The following SPN variants were observed in gnomAD, a reference collection of about 807,000 sequenced individuals.
The protein encoded by SPN is sialophorin, also known as leukosialin.
In SPN, 6 loss-of-function variants were observed where a neutral mutation model predicts 8.4. That is an observed-to-expected ratio of 0.72 (90% CI 0.39 to 1.42). SPN has a LOEUF of 1.42. Among genes scored for constraint, SPN ranks in the 40% most tolerant of loss-of-function variants. The pLI, the probability that SPN is intolerant of heterozygous loss-of-function variation, is 0.02. For missense variants in SPN, 517 were observed against 530.6 expected (o/e 0.97, Z 0.25); for synonymous variants, 201 against 222.6 (o/e 0.90, Z 0.86).
rs1366136466 is a variant in SPN, at chr16:29,670,449, A to T, written c.*5518A>T. The T allele has an allele frequency of 6.0e-6, 1 of 166,982 alleles. No individual in the cohort carries two copies. The highest frequency in any genetic ancestry group is 1.8e-4 in the East Asian group (1 of 5,600). 10.3% of individuals were successfully genotyped at this position (166,982 alleles called of 1,614,324 possible). A position where few individuals can be genotyped will look rare whatever the true frequency, so the allele number is the denominator to read the frequency against. On this transcript the variant is annotated 3_prime_UTR_variant, in exon 2 of 2. Transcript: ENST00000652691. ...GGTTGCAGTGAGCCGAGATCGTGTC[A>T]TTGCACTCTAGTCTGGGCGACAGAG... is the stretch of plus-strand genomic sequence containing the variant.
chr16:29,664,722 G>C lies in SPN; in HGVS notation c.994G>C (p.Asp332His). The C allele has an allele frequency of 6.1e-6, 9 of 1,479,472 alleles. No individual in the cohort carries two copies. Among genetic ancestry groups the C allele is most frequent in the Non-Finnish European group, 8.1e-6 (9 of 1,116,084 alleles). 91.6% of individuals were successfully genotyped at this position (1,479,472 alleles called of 1,614,324 possible). The change falls in exon 2 of 2, where the codon GAT (aspartate) becomes CAT (histidine). Residue 332 changes from aspartate to histidine, a missense_variant. Transcript: ENST00000652691. This position sits in a 1 kb window ranked among gnomAD's most constrained non-coding sequence, Gnocchi z 6.4. ...GGGCGACAAGGGCTCTGGGTTCCCC[G>C]ATGGGGAGGGGTCTAGCCGTCGGCC... The part of the protein sequence containing the change: ...SGGDKGSGFP[D>H]GEGSSRRPTL...
chr16:29,664,331 T>C lies in SPN; in HGVS notation c.603T>C (p.Thr201=). ...CTCTGGAGACCTCCACTGGGACCAC[T>C]GGACCCCCTGTTACCATGACAACTG... ...TDSLETSTGT[T]GPPVTMTTGS... is the part of the protein sequence containing the mutation. The change falls in exon 2 of 2, where the codon ACT becomes ACC. Residue 201 remains threonine (T), a synonymous_variant. Transcript: ENST00000652691. The surrounding 1 kb of genome is among the most constrained non-coding windows in gnomAD (Gnocchi z 6.4). 3 of 1,613,524 alleles carry C rather than the reference T, an allele frequency of 1.9e-6. No individual in the cohort carries two copies. The highest frequency in any genetic ancestry group is 1.1e-5 in the South Asian group (1 of 91,086).
At position 29,666,316 on chromosome 16, in the gene SPN, G is replaced by C. The variant is rs567989728; in HGVS notation, c.*1385G>C. 1.8e-5 allele frequency: 3 copies of C among 163,616 alleles called. No individual in the cohort carries two copies. The highest frequency in any genetic ancestry group is 7.2e-5 in the African/African-American group (3 of 41,522). The allele number at this position is 163,616 out of a possible 1,614,324, so 10.1% of individuals were successfully genotyped here. A position where few individuals can be genotyped will look rare whatever the true frequency, so the allele number is the denominator to read the frequency against. On this transcript the variant is annotated 3_prime_UTR_variant, in exon 2 of 2. Transcript: ENST00000652691. ...GAGCCCAGGAGTTCGAGTCTGAAGTGAGCTGTGATTGCACCACTGCACTTC... is the reference window on the plus strand; with the variant it reads ...GAGCCCAGGAGTTCGAGTCTGAAGTCAGCTGTGATTGCACCACTGCACTTC...
Position 29,664,883 on chromosome 16 carries a change from C to A in SPN, c.1155C>A (p.Asp385Glu). 6.8e-7 allele frequency: 1 copy of A among 1,462,148 alleles called. No homozygotes were observed. Among genetic ancestry groups the A allele is most frequent in the African/African-American group, 1.4e-5 (1 of 70,102 alleles). The allele number at this position is 1,462,148 out of a possible 1,614,324, so 90.6% of individuals were successfully genotyped here. A position where few individuals can be genotyped will look rare whatever the true frequency, so the allele number is the denominator to read the frequency against. Residue 385 changes from aspartate (D) to glutamate (E), a missense_variant, in exon 2 of 2, where the codon GAC becomes GAA. Transcript: ENST00000652691. This position sits in a 1 kb window ranked among gnomAD's most constrained non-coding sequence, Gnocchi z 6.4. Reference sequence around the variant, plus strand: ...TGGCCAGTGAGGATGGGGCTGTGGACGCCCCAGCTCCTGATGAGCCCGAAG... The same window carrying A: ...TGGCCAGTGAGGATGGGGCTGTGGAAGCCCCAGCTCCTGATGAGCCCGAAG... ...PLVASEDGAV[D>E]APAPDEPEGG...
In SPN at chr16:29,669,163, T is replaced by C. The variant is rs1416483344; in HGVS notation, c.*4232T>C. On this transcript the variant is annotated 3_prime_UTR_variant, in exon 2 of 2. Transcript: ENST00000652691. ...TATATATTTTTTAAAGTGGAGCAGT[T>C]CAATATAGAGTCTTTTTTGAACAAA... 3 of 166,682 alleles carry C rather than the reference T, an allele frequency of 1.8e-5. No homozygotes were observed. The highest frequency in any genetic ancestry group is 4.4e-5 in the Non-Finnish European group (3 of 68,058). 10.3% of individuals were successfully genotyped at this position (166,682 alleles called of 1,614,324 possible).
rs1026510345 is a variant in SPN, at chr16:29,665,171, C to T, written c.*240C>T. The stretch of plus-strand genomic sequence containing the variant: ...CTAAGTTCAGGCGATTCTCCTGCCT[C>T]AGCTTCCCGAGTAACTGAGATTACA... On this transcript the variant is annotated 3_prime_UTR_variant, in exon 2 of 2. Transcript: ENST00000652691. 2 of 406,014 alleles carry T rather than the reference C, an allele frequency of 4.9e-6. No homozygotes were observed. Among genetic ancestry groups the T allele is most frequent in the Admixed American group, 9.1e-5 (2 of 22,044 alleles). 25.2% of individuals were successfully genotyped at this position (406,014 alleles called of 1,614,324 possible).
rs1966841633 is a variant in SPN at position 29,669,029 on chromosome 16, T to A, written c.*4098T>A. The A allele has an allele frequency of 6.0e-6, 1 of 165,918 alleles. No individual in the cohort carries two copies. The highest frequency in any genetic ancestry group is 1.5e-5 in the Non-Finnish European group (1 of 67,930). 10.3% of individuals were successfully genotyped at this position (165,918 alleles called of 1,614,324 possible). ...CAGGCGTGGTGGTGCATGCCTGTAG[T>A]ACCAGCTACTTGAGAAGCTGAGGCA... On this transcript the variant is annotated 3_prime_UTR_variant, in exon 2 of 2. Coordinates refer to ENST00000652691, the MANE Select transcript of SPN (RefSeq NM_003123.6).
Position 29,664,595 on chromosome 16 carries a change from G to A in SPN, c.867G>A (p.Val289=), listed in dbSNP as rs138704743. Residue 289 remains valine (V), a synonymous_variant, in exon 2 of 2, where the codon GTG becomes GTA. Coordinates refer to ENST00000652691, the MANE Select transcript of SPN (RefSeq NM_003123.6). This position sits in a 1 kb window ranked among gnomAD's most constrained non-coding sequence, Gnocchi z 6.4. ...AGAAGCGGCGGACTGGGGCCCTCGT[G>A]CTGAGCAGAGGCGGCAAGCGTAACG... ...RRQKRRTGAL[V]LSRGGKRNGV... is the part of the protein sequence containing the mutation. The A allele has an allele frequency of 2.5e-6, 4 of 1,609,658 alleles. No individual in the cohort carries two copies. In the African/African-American group the frequency reaches 5.3e-5, roughly 21 times the overall value.
In SPN at chr16:29,669,203, CT is replaced by C. The variant is rs879884080; in HGVS notation, c.*4286del. On this transcript the variant is annotated 3_prime_UTR_variant, in exon 2 of 2. Transcript: ENST00000652691. ...TTTTGAACAAACGTGAAATAGATGT[CT>C]TTTTTTTTTTTTTGAGATGGAGTTT... is the stretch of plus-strand genomic sequence containing the variant. The C allele has an allele frequency of 6.5e-3, 1,007 of 153,814 alleles. No individual in the cohort carries two copies. The highest frequency in any genetic ancestry group is 7.1e-3 in the Middle Eastern group (2 of 280). 9.5% of individuals were successfully genotyped at this position (153,814 alleles called of 1,614,324 possible).
At position 29,666,524 on chromosome 16, in the gene SPN, TCACA is replaced by T. The variant is rs61534947; in HGVS notation, c.*1619_*1622del. On this transcript the variant is annotated 3_prime_UTR_variant, in exon 2 of 2. Coordinates refer to ENST00000652691, the MANE Select transcript of SPN (RefSeq NM_003123.6). ...TGCGCTCTCTCTCTCTCTCTCTCTC[TCACA>T]CACACACACACACACACACACACAC... The T allele has an allele frequency of 3.8e-4, 52 of 137,580 alleles. 1 individual carries two copies. Among genetic ancestry groups the T allele is most frequent in the Non-Finnish European group, 6.2e-4 (40 of 64,650 alleles). The allele number at this position is 137,580 out of a possible 1,614,324, so 8.5% of individuals were successfully genotyped here.
chr16:29,663,105 C>A, upstream of SPN: 1 of 152,018 alleles, frequency 6.6e-6, no homozygotes. The surrounding 1 kb of genome is among the most constrained non-coding windows in gnomAD (Gnocchi z 4.3). Flanking sequence ...CCCAGGCACC[C>A]CGCTGGCCCC....
Position 29,669,875 on chromosome 16 carries a change from T to G in SPN, c.*4944T>G, listed in dbSNP as rs554138712. On this transcript the variant is annotated 3_prime_UTR_variant, in exon 2 of 2. Transcript: ENST00000652691. ...TGGGCGACAAGTAAAAAACTCCATC[T>G]CAAAAAAAAAAAAGGAGATAGAGCA... 125 of 75,300 alleles carry G rather than the reference T, an allele frequency of 1.7e-3. 1 individual carries two copies. The highest frequency in any genetic ancestry group is 6.7e-3 in the African/African-American group (118 of 17,600). 4.7% of individuals were successfully genotyped at this position (75,300 alleles called of 1,614,324 possible).
Position 29,666,881 on chromosome 16 carries a change from G to A in SPN, c.*1950G>A, listed in dbSNP as rs1173483843. Reference sequence around the variant, plus strand: ...GCAGTTGGTATTTCCCGAGGACAAAGAGGAAATTTTCAAAGAGGAAGTTGT... The same window carrying A: ...GCAGTTGGTATTTCCCGAGGACAAAAAGGAAATTTTCAAAGAGGAAGTTGT... On this transcript the variant is annotated 3_prime_UTR_variant, in exon 2 of 2. Coordinates refer to ENST00000652691, the MANE Select transcript of SPN (RefSeq NM_003123.6). 1 of 470,764 alleles carries A rather than the reference G, an allele frequency of 2.1e-6. No individual in the cohort carries two copies. Among genetic ancestry groups the A allele is most frequent in the Non-Finnish European group, 4.4e-6 (1 of 226,870 alleles). 29.2% of individuals were successfully genotyped at this position (470,764 alleles called of 1,614,324 possible).
rs369271064 is a variant in SPN at position 29,664,158 on chromosome 16, A to G, written c.430A>G (p.Ser144Gly). The change falls in exon 2 of 2, where the codon AGT becomes GGT. Residue 144 changes from serine (S) to glycine (G), a missense_variant. Ser to Gly is a moderately conservative substitution (Grantham distance 56). Coordinates refer to ENST00000652691, the MANE Select transcript of SPN (RefSeq NM_003123.6). The surrounding 1 kb of genome is among the most constrained non-coding windows in gnomAD (Gnocchi z 6.4). The part of the protein sequence containing the change: ...TITTNSPETS[S>G]RTSGAPVTTA... Reference sequence around the variant, plus strand: ...AACAACGAACTCTCCAGAAACCTCCAGTAGGACCAGTGGAGCCCCTGTTAC... The same window carrying G: ...AACAACGAACTCTCCAGAAACCTCCGGTAGGACCAGTGGAGCCCCTGTTAC... 2.5e-6 allele frequency: 4 copies of G among 1,614,018 alleles called. No homozygotes were observed. The highest frequency in any genetic ancestry group is 2.2e-5 in the South Asian group (2 of 91,078).
rs1398648621 is a variant in SPN, at chr16:29,666,518, T to G, written c.*1587T>G. On this transcript the variant is annotated 3_prime_UTR_variant, in exon 2 of 2. Coordinates refer to ENST00000652691, the MANE Select transcript of SPN (RefSeq NM_003123.6). ...TGCATGTGCGCTCTCTCTCTCTCTC[T>G]CTCTCTCACACACACACACACACAC... The G allele has an allele frequency of 7.2e-6, 1 of 139,558 alleles. No homozygotes were observed. Among genetic ancestry groups the G allele is most frequent in the Non-Finnish European group, 1.6e-5 (1 of 63,712 alleles). 8.6% of individuals were successfully genotyped at this position (139,558 alleles called of 1,614,324 possible).
rs892699434 is a variant in SPN at position 29,670,816 on chromosome 16, C to T, written c.*5885C>T. ...ATGTGTGATTTTTATTTTGTTTATG[C>T]TCTTCTGTATTTTCCGAATTTCATA... is the stretch of plus-strand genomic sequence containing the variant. On this transcript the variant is annotated 3_prime_UTR_variant, in exon 2 of 2. Coordinates refer to ENST00000652691, the MANE Select transcript of SPN (RefSeq NM_003123.6). 1 of 453,814 alleles carries T rather than the reference C, an allele frequency of 2.2e-6. No individual in the cohort carries two copies. Among genetic ancestry groups the T allele is most frequent in the Non-Finnish European group, 4.4e-6 (1 of 226,252 alleles). The allele number at this position is 453,814 out of a possible 1,614,324, so 28.1% of individuals were successfully genotyped here. A position where few individuals can be genotyped will look rare whatever the true frequency, so the allele number is the denominator to read the frequency against.
Position 29,663,796 on chromosome 16 carries a change from C to G in SPN, c.68C>G (p.Ala23Gly), listed in dbSNP as rs776094350. The G allele has an allele frequency of 1.2e-6, 2 of 1,613,534 alleles. No homozygotes were observed. The highest frequency in any genetic ancestry group is 1.1e-5 in the South Asian group (1 of 91,022). The change falls in exon 2 of 2, where the codon GCA (alanine) becomes GGA (glycine). Residue 23 changes from alanine (A) to glycine (G), a missense_variant. Transcript: ENST00000652691. The surrounding 1 kb of genome is among the most constrained non-coding windows in gnomAD (Gnocchi z 4.3). ...CCAGACGCTCTGGGGAGCACAACAG[C>G]AGTGCAGACACCCACCTCCGGAGAG... The part of the protein sequence containing the change: ...VSPDALGSTT[A>G]VQTPTSGEPL...
Position 29,665,172 on chromosome 16 carries a change from A to G in SPN, c.*241A>G, listed in dbSNP as rs1596771736. On this transcript the variant is annotated 3_prime_UTR_variant, in exon 2 of 2. Transcript: ENST00000652691. ...TAAGTTCAGGCGATTCTCCTGCCTC[A>G]GCTTCCCGAGTAACTGAGATTACAG... 6 of 402,092 alleles carry G rather than the reference A, an allele frequency of 1.5e-5. No individual in the cohort carries two copies. In the East Asian group the frequency reaches 2.3e-4, roughly 15 times the overall value. 24.9% of individuals were successfully genotyped at this position (402,092 alleles called of 1,614,324 possible). A position where few individuals can be genotyped will look rare whatever the true frequency, so the allele number is the denominator to read the frequency against.
rs139180392 is a variant in SPN, at chr16:29,664,115, C to A, written c.387C>A (p.Thr129=). 1.9e-6 allele frequency: 3 copies of A among 1,614,120 alleles called. No individual in the cohort carries two copies. The highest frequency in any genetic ancestry group is 2.5e-6 in the Non-Finnish European group (3 of 1,180,010). ...CAGCAAACTCTCTAGGATCCCACACCGTGACAGGTGGAACCATAACAACGA... is the reference window on the plus strand; with the variant it reads ...CAGCAAACTCTCTAGGATCCCACACAGTGACAGGTGGAACCATAACAACGA... ...PITANSLGSH[T]VTGGTITTNS... The change falls in exon 2 of 2, where the codon ACC becomes ACA. Residue 129 remains threonine, a synonymous_variant. Transcript: ENST00000652691. The surrounding 1 kb of genome is among the most constrained non-coding windows in gnomAD (Gnocchi z 6.4).
Sources: allele counts gnomAD v4.1 joint callset, GRCh38; gene constraint gnomAD v4.1.1; non-coding constraint Gnocchi (gnomAD v3.1); transcripts MANE v1.5; gene names NCBI Gene and HGNC (gene_info 2026-07-23, HGNC 2026-07-21).